PPIG: variants seen among roughly 807,000 people sequenced by gnomAD.
PPIG encodes the protein peptidylprolyl isomerase G, also known as peptidyl-prolyl cis-trans isomerase G.
A neutral mutation model predicts 87.9 loss-of-function variants in PPIG; 26 were observed. The observed-to-expected ratio is 0.30, with a 90% confidence interval of 0.22 to 0.41. PPIG has a LOEUF of 0.41. Among genes scored for constraint, PPIG ranks in the 10% least tolerant of loss-of-function variants. PPIG has a pLI of 1.00. For missense variants in PPIG, 722 were observed against 879.4 expected, an observed-to-expected ratio of 0.82 and a Z score of 2.26; for synonymous variants, 308 against 276.5, an observed-to-expected ratio of 1.11 and a Z score of -1.13.
chr2:169,625,726 CA>C (rs1316663681), intron 9 of PPIG, among the ~76,000 whole-genome samples: 1 of 151,352 alleles, frequency 6.6e-6, no homozygotes, highest in Non-Finnish European at 1.5e-5. Flanking sequence ...TTCCTTTAAC[CA>C]ATTTTTTTTT....
At chr2:169,591,920 A>ATTTTTTTTTTTTTTTTTTTTTTT (rs3067016) in intron 1 of PPIG, among the ~76,000 whole-genome samples, 2 of 87,412 alleles carry the variant, frequency 2.3e-5, no homozygotes, top group Admixed American at 1.7e-4. Context: ...GCAATTCATG[A>ATTTTTTTTTTTTTTTTTTTTTTT]TTTTTTTTTT....
chr2:169,602,527 G>C lies in PPIG; in HGVS notation c.-69-1115G>C, dbSNP rs557173523. On this transcript the variant is annotated intron_variant, in intron 1 of 13. Coordinates refer to ENST00000260970, the MANE Select transcript of PPIG (RefSeq NM_004792.3). ...GATAGGGTTTCACTATGTTGGTCAG[G>C]CTGGTCTCGAACTCCTGACCCTGAT... Among the ~76,000 whole-genome samples, 19 of 152,214 alleles carry C rather than the reference G, an allele frequency of 1.2e-4. No individual in the cohort carries two copies. In the South Asian group the frequency reaches 3.7e-3, roughly 30 times the overall value.
intron 1 of PPIG, among the ~76,000 whole-genome samples, chr2:169,585,755 A>G (rs1230324213): frequency 1.3e-5 from 2 of 152,210 alleles, no homozygotes; most frequent in African/African-American, 2.4e-5. Flanking sequence ...GTTTGGTACT[A>G]ACATAGTTGT....
intron 7 of PPIG, among the ~76,000 whole-genome samples, chr2:169,609,101 T>G (rs78476842): frequency 7.5e-6 from 1 of 133,668 alleles, no homozygotes; most frequent in Admixed American, 7.6e-5. Context: ...AAAAAAAAAA[T>G]CCCGTTTTTG....
intron 1 of PPIG, among the ~76,000 whole-genome samples, chr2:169,586,167 CT>C (rs1288324669): frequency 1.3e-5 from 2 of 151,972 alleles, no homozygotes; most frequent in Non-Finnish European, 2.9e-5. Context: ...TTGACTATTT[CT>C]TTATGATTCA....
At chr2:169,619,157 G>T (rs969297643) in intron 9 of PPIG, among the ~76,000 whole-genome samples, 1 of 152,142 alleles carries the variant, frequency 6.6e-6, no homozygotes, top group African/African-American at 2.4e-5. Context: ...AGGTTGTTCA[G>T]TTTCCATGTA....
intron 5 of PPIG, 96 bp downstream of exon 5, chr2:169,606,242 ACT>A: frequency 3.5e-6 from 3 of 847,978 alleles, no homozygotes; most frequent in Non-Finnish European, 5.9e-6. Flanking sequence ...TATTCTTGTC[ACT>A]CTCACTCCAT....
At chr2:169,628,043 T>G (rs1685939801) in intron 9 of PPIG, among the ~76,000 whole-genome samples, 1 of 152,116 alleles carries the variant, frequency 6.6e-6, no homozygotes, top group Non-Finnish European at 1.5e-5. Flanking sequence ...TTTTTCAGGT[T>G]ATATGTTTTT....
Position 169,638,831 on chromosome 2 carries a change from A to G in PPIG, c.*1308A>G, listed in dbSNP as rs1167716349. 1.3e-5 allele frequency: 2 copies of G among 152,004 alleles called. No homozygotes were observed. The highest frequency in any genetic ancestry group is 1.3e-4 in the Admixed American group (2 of 15,242). 9.4% of individuals were successfully genotyped at this position (152,004 alleles called of 1,614,324 possible). On this transcript the variant is annotated 3_prime_UTR_variant, in exon 14 of 14. Transcript: ENST00000260970. The stretch of plus-strand genomic sequence containing the variant: ...CCTTTTATTCTGTAATCTCTTCTAA[A>G]TAAAACATTGAACATCCAGCAAACA...
intron 7 of PPIG, among the ~76,000 whole-genome samples, chr2:169,612,327 A>G (rs952652218): frequency 6.7e-6 from 1 of 149,556 alleles, no homozygotes. Flanking sequence ...GGCTTGTTTC[A>G]CTTAAAAATG....
In PPIG at chr2:169,637,025, G is replaced by T; in HGVS notation, c.1767G>T (p.Glu589Asp). The T allele has an allele frequency of 1.2e-6, 2 of 1,613,892 alleles. No individual in the cohort carries two copies. Among genetic ancestry groups the T allele is most frequent in the South Asian group, 1.1e-5 (1 of 91,060 alleles). ...ACAGAGATCGCAGCAGAAGCAAGGA[G>T]TACCATAGATACAGAGAACAGGAAT... ...THDRDRSRSK[E>D]YHRYREQEYR... The change falls in exon 14 of 14, where the codon GAG (glutamate) becomes GAT (aspartate). Residue 589 changes from glutamate (E) to aspartate (D), a missense_variant. Transcript: ENST00000260970.
intron 5 of PPIG, 31 bp from the exon 6 acceptor site, chr2:169,607,073 A>T: frequency 6.9e-7 from 1 of 1,447,698 alleles, no homozygotes. Flanking sequence ...GAGCTTACTG[A>T]GAGTTATAAG....
Position 169,631,458 on chromosome 2 carries a change from T to C in PPIG, c.762-308T>C, listed in dbSNP as rs138509746. The C allele has an allele frequency of 1.2e-5, 7 of 600,400 alleles. No homozygotes were observed. The African/African-American group carries it at 1.2e-4, about 10-fold the overall frequency. 37.2% of individuals were successfully genotyped at this position (600,400 alleles called of 1,614,324 possible). A position where few individuals can be genotyped will look rare whatever the true frequency, so the allele number is the denominator to read the frequency against. On this transcript the variant is annotated intron_variant, in intron 10 of 13. Transcript: ENST00000260970. Reference sequence around the variant, plus strand: ...ATGGCTCAAATGCAGTTAATTTCTTTACCCATGTTTTAAAGTATTTTAAAT... The same window carrying C: ...ATGGCTCAAATGCAGTTAATTTCTTCACCCATGTTTTAAAGTATTTTAAAT...
At chr2:169,603,769 G>A (rs187843501) in intron 2 of PPIG, 75 bp downstream of exon 2, 20 of 425,210 alleles carry the variant, frequency 4.7e-5, no homozygotes, top group Middle Eastern at 7.1e-4. Flanking sequence ...TCTGTATTCC[G>A]GTTGATAAAT....
intron 10 of PPIG, chr2:169,631,463 A>G (rs949606066): frequency 7.9e-6 from 5 of 636,182 alleles, no homozygotes; most frequent in Non-Finnish European, 8.6e-6. Flanking sequence ...TTCTTTACCC[A>G]TGTTTTAAAG....
chr2:169,623,778 C>G lies in PPIG; in HGVS notation c.548-6996C>G, dbSNP rs532832326. On this transcript the variant is annotated intron_variant, in intron 9 of 13. Coordinates refer to ENST00000260970, the MANE Select transcript of PPIG (RefSeq NM_004792.3). ...AACCCATAATGTGAAATGAAATTGT[C>G]TAAAGACCATTTTAGGAATACTTTT... 3.3e-5 allele frequency among the ~76,000 whole-genome samples: 5 copies of G among 152,274 alleles called. No homozygotes were observed. In the South Asian group the frequency reaches 8.3e-4, roughly 25 times the overall value.
chr2:169,592,075 G>A (rs1433514636), intron 1 of PPIG, among the ~76,000 whole-genome samples: 3 of 147,286 alleles, frequency 2.0e-5, no homozygotes, highest in Non-Finnish European at 4.5e-5. Flanking sequence ...CACAGGCCTG[G>A]GTCATCACAC....
At chr2:169,605,765 C>G (rs1328911415) in intron 4 of PPIG, among the ~76,000 whole-genome samples, 1 of 152,116 alleles carries the variant, frequency 6.6e-6, no homozygotes, top group Non-Finnish European at 1.5e-5. Context: ...TGCCACCGCA[C>G]TGTAGCCTGG....
At chr2:169,609,743 C>T (rs746275907) in intron 7 of PPIG, among the ~76,000 whole-genome samples, 3 of 152,062 alleles carry the variant, frequency 2.0e-5, no homozygotes, top group East Asian at 1.9e-4. Flanking sequence ...TAAATTTAAA[C>T]GGAATGGTGG....
Sources: gnomAD v4.1 joint callset for allele counts (sites outside exome capture counted in the v4.1 genomes callset) on GRCh38, gnomAD v4.1.1 for gene constraint, MANE v1.5 for transcripts, NCBI Gene and HGNC (gene_info 2026-07-23, HGNC 2026-07-21) for gene names.